The following ANK3 variants were observed in gnomAD, a reference collection of about 807,000 sequenced individuals.
ANK3 encodes the protein ankyrin 3.
In ANK3, 57 loss-of-function variants were observed where a neutral mutation model predicts 370.9. The ratio of observed to expected loss-of-function variants is 0.15; its 90% CI spans 0.12 to 0.19. ANK3 has a LOEUF of 0.19. Ranked by LOEUF, ANK3 falls within the 10% of genes least tolerant of loss-of-function variation. The pLI is 1.00. For missense variants in ANK3, 4,439 were observed against 5,302.1 expected (o/e 0.84, Z 5.06); for synonymous variants, 1,929 against 1,946.3 (o/e 0.99, Z 0.23).
At chr10:60,434,971 G>A (rs2064121105) in intron 2 of ANK3, among the ~76,000 whole-genome samples, 1 of 152,124 alleles carries the variant, frequency 6.6e-6, no homozygotes, top group South Asian at 2.1e-4. Flanking sequence ...CCCAACAGAA[G>A]TAAATGAAAA....
chr10:60,362,430 T>C (rs992235516), intron 1 of ANK3, among the ~76,000 whole-genome samples: 1 of 152,214 alleles, frequency 6.6e-6, no homozygotes, highest in Non-Finnish European at 1.5e-5. Context: ...TGAGCTAAGA[T>C]TTATATCATC....
rs151195176 is a variant in ANK3 at position 60,241,736 on chromosome 10, A to T, written c.799-6950T>A. On this transcript the variant is annotated intron_variant, in intron 7 of 43. Transcript: ENST00000280772. Reference sequence around the variant, plus strand: ...AAAAAACTTAAGTATACATATGATTAACCAATACTTTTTTTTCTCTAGTAT... The same window carrying T: ...AAAAAACTTAAGTATACATATGATTTACCAATACTTTTTTTTCTCTAGTAT... 2.6e-5 allele frequency among the ~76,000 whole-genome samples: 4 copies of T among 152,340 alleles called. No homozygotes were observed. The East Asian group carries it at 7.7e-4, about 29-fold the overall frequency.
intron 2 of ANK3, among the ~76,000 whole-genome samples, chr10:60,600,687 G>A (rs1032181920): frequency 4.6e-5 from 7 of 152,142 alleles, no homozygotes; most frequent in African/African-American, 1.7e-4. Flanking sequence ...TGAATAAAGA[G>A]CCCCAAAATA....
intron 5 of ANK3, 105 bp downstream of exon 5, chr10:60,270,026 A>G: frequency 1.6e-6 from 1 of 615,592 alleles, no homozygotes; most frequent in Non-Finnish European, 2.7e-6. Context: ...ACACATTAAT[A>G]TAAAACTTCA....
At chr10:60,285,247 A>C (rs997589740) in intron 1 of ANK3, among the ~76,000 whole-genome samples, 3 of 152,166 alleles carry the variant, frequency 2.0e-5, no homozygotes, top group Non-Finnish European at 4.4e-5. Context: ...GGTAATTAAC[A>C]ATGTGAGTGC....
In ANK3 at chr10:60,253,151, C is replaced by A. The variant is rs567196294; in HGVS notation, c.798+8708G>T. 4.6e-5 allele frequency among the ~76,000 whole-genome samples: 7 copies of A among 152,294 alleles called. No homozygotes were observed. In the South Asian group the frequency reaches 1.0e-3, roughly 23 times the overall value. On this transcript the variant is annotated intron_variant, in intron 7 of 43. Coordinates refer to ENST00000280772, the MANE Select transcript of ANK3 (RefSeq NM_020987.5). ...TTACTTTGCCACTGTCCCATATGTA[C>A]TCTATTGTGAAAGGGGGAGGGAAGC...
chr10:60,175,483 C>T (rs2095906406), intron 18 of ANK3, among the ~76,000 whole-genome samples: 2 of 152,126 alleles, frequency 1.3e-5, no homozygotes, highest in South Asian at 2.1e-4. Flanking sequence ...AGCCATAGCC[C>T]AGGGAACAGA....
At chr10:60,675,410 A>G (rs1420009177) in intron 1 of ANK3, among the ~76,000 whole-genome samples, 1 of 152,216 alleles carries the variant, frequency 6.6e-6, no homozygotes. Context: ...AGCCTAATTC[A>G]ACCCAATATA....
intron 8 of ANK3, among the ~76,000 whole-genome samples, chr10:60,220,227 G>A (rs370689579): frequency 6.6e-6 from 1 of 151,962 alleles, no homozygotes; most frequent in Admixed American, 6.6e-5. Flanking sequence ...GGTCAAAATT[G>A]TTTCATTTTC....
chr10:60,293,016 C>G (rs1201693042), intron 1 of ANK3, among the ~76,000 whole-genome samples: 1 of 152,128 alleles, frequency 6.6e-6, no homozygotes, highest in Non-Finnish European at 1.5e-5. Context: ...GCCCAGGGTC[C>G]TAAACTTTCT....
At chr10:60,358,231 A>G (rs1289602108) in intron 1 of ANK3, among the ~76,000 whole-genome samples, 1 of 152,000 alleles carries the variant, frequency 6.6e-6, no homozygotes, top group East Asian at 1.9e-4. Flanking sequence ...ATATTGTTTT[A>G]CTTCTTTATC....
At chr10:60,117,891 A>G (rs1265032627) in intron 25 of ANK3, among the ~76,000 whole-genome samples, 2 of 152,264 alleles carry the variant, frequency 1.3e-5, no homozygotes, top group East Asian at 3.8e-4. Flanking sequence ...CAAGATAAGC[A>G]TCAAATACAG....
At chr10:60,498,237 GAAAAC>G (rs1173581408) in intron 2 of ANK3, among the ~76,000 whole-genome samples, 2 of 152,016 alleles carry the variant, frequency 1.3e-5, no homozygotes, top group Non-Finnish European at 2.9e-5. Context: ...AATTTCATAA[GAAAAC>G]AAAACAAAAC....
intron 18 of ANK3, among the ~76,000 whole-genome samples, chr10:60,173,910 A>T (rs1020703698): frequency 1.6e-4 from 24 of 151,948 alleles, no homozygotes; most frequent in Admixed American, 1.4e-3. Flanking sequence ...CTAGATAATT[A>T]TTTTCTTTAA....
intron 28 of ANK3, among the ~76,000 whole-genome samples, chr10:60,102,671 A>G (rs2091479483): frequency 6.6e-6 from 1 of 152,230 alleles, no homozygotes; most frequent in African/African-American, 2.4e-5. Context: ...TAGGAACATA[A>G]ACTGATATTT....
intron 1 of ANK3, among the ~76,000 whole-genome samples, chr10:60,387,342 T>G (rs1160384475): frequency 2.0e-5 from 3 of 152,044 alleles, no homozygotes; most frequent in African/African-American, 7.2e-5. Context: ...AAACTCAAAG[T>G]CATAACAATT....
At chr10:60,051,571 G>T in intron 42 of ANK3, 3 of 981,804 alleles carry the variant, frequency 3.1e-6, no homozygotes, top group Non-Finnish European at 3.6e-6. Context: ...CCTGACAAAT[G>T]CATTTTTAGT....
chr10:60,139,295 CG>C, intron 23 of ANK3: 1 of 505,950 alleles, frequency 2.0e-6, no homozygotes, highest in Non-Finnish European at 3.4e-6. Context: ...ATTTAAGTAG[CG>C]GAAACAACTC....
intron 1 of ANK3, among the ~76,000 whole-genome samples, chr10:60,621,345 T>G (rs1238899360): frequency 2.0e-5 from 3 of 152,226 alleles, no homozygotes; most frequent in Non-Finnish European, 4.4e-5. Context: ...TGTTTTGTCC[T>G]GAATTTGACA....
Sources: allele counts gnomAD v4.1 joint callset (sites outside exome capture counted in the v4.1 genomes callset), GRCh38; gene constraint gnomAD v4.1.1; transcripts MANE v1.5; gene names NCBI Gene and HGNC (gene_info 2026-07-23, HGNC 2026-07-21).